ZNF503: variants seen among roughly 807,000 people sequenced by gnomAD.
ZNF503 encodes zinc finger protein 503.
A neutral mutation model predicts 34.4 loss-of-function variants in ZNF503; 15 were observed. That is an observed-to-expected ratio of 0.44 (90% CI 0.29 to 0.67). The LOEUF (loss-of-function observed/expected upper bound fraction) is 0.67, where lower values mean the gene tolerates loss of function less well. Among genes scored for constraint, ZNF503 ranks in the 30% least tolerant of loss-of-function variants. The probability of loss-of-function intolerance (pLI) is 0.13; values close to 1 mark genes in which losing one functional copy is unlikely to be tolerated. For missense variants in ZNF503, 1,007 were observed against 926.8 expected (o/e 1.09, Z -1.12); for synonymous variants, 580 against 456.8 (o/e 1.27, Z -3.44).
chr10:75,294,644 G>C, the ZNF503 span, among the ~76,000 whole-genome samples: 2 of 151,846 alleles, frequency 1.3e-5, no homozygotes, highest in Admixed American at 6.6e-5. Flanking sequence ...CCTGAAGGCA[G>C]TCGCCCAAGG....
At chr10:75,393,155 T>A (rs115714201), downstream of ZNF503, among the ~76,000 whole-genome samples, 261 of 152,336 alleles carry the variant, frequency 1.7e-3, no homozygotes, top group African/African-American at 6.0e-3. Flanking sequence ...CTGGGCTCAC[T>A]CTGGGTCACA....
chr10:75,314,186 G>A, the ZNF503 span, among the ~76,000 whole-genome samples: 44 of 145,314 alleles, frequency 3.0e-4, no homozygotes, highest in Admixed American at 2.2e-3. Context: ...GCAGTGAGCC[G>A]AGATCGTGCC....
Position 75,399,406 on chromosome 10 carries a change from C to T in ZNF503, c.1284G>A (p.Arg428=), listed in dbSNP as rs1312532432. The change falls in exon 2 of 2, where the codon CGG becomes CGA. Residue 428 remains arginine, a synonymous_variant. Coordinates refer to ENST00000372524, the MANE Select transcript of ZNF503 (RefSeq NM_032772.6). ...PPSVMTASLC[R]DPYCLSYHCA... ...AGTGGTAGCTGAGGCAGTAAGGGTC[C>T]CGGCACAAACTGGCTGTCATCACGG... 1 of 1,605,026 alleles carries T rather than the reference C, an allele frequency of 6.2e-7. No individual in the cohort carries two copies. Among genetic ancestry groups the T allele is most frequent in the Non-Finnish European group, 8.5e-7 (1 of 1,178,512 alleles).
chr10:75,318,193 A>G, the ZNF503 span, among the ~76,000 whole-genome samples: 12 of 152,310 alleles, frequency 7.9e-5, no homozygotes, highest in Admixed American at 2.6e-4. Context: ...GCCTTAAATT[A>G]TATAATTTTT....
downstream of ZNF503, among the ~76,000 whole-genome samples, chr10:75,393,118 A>C (rs112050830): frequency 8.2e-4 from 125 of 152,316 alleles, 1 homozygote; most frequent in African/African-American, 2.7e-3. Context: ...AGCCAGGGCT[A>C]GAGTCTTTTA....
chr10:75,296,823 T>A, the ZNF503 span, among the ~76,000 whole-genome samples: 263 of 152,130 alleles, frequency 1.7e-3, no homozygotes, highest in African/African-American at 6.1e-3. Context: ...AGAGGACGTG[T>A]AGGTACCAAC....
Position 75,398,512 on chromosome 10 carries a change from A to G in ZNF503, c.*237T>C, listed in dbSNP as rs891500258. 5.1e-6 allele frequency: 2 copies of G among 393,326 alleles called. No homozygotes were observed. The highest frequency in any genetic ancestry group is 4.5e-6 in the Non-Finnish European group (1 of 224,384). The allele number at this position is 393,326 out of a possible 1,614,324, so 24.4% of individuals were successfully genotyped here. A position where few individuals can be genotyped will look rare whatever the true frequency, so the allele number is the denominator to read the frequency against. On this transcript the variant is annotated 3_prime_UTR_variant, in exon 2 of 2. Transcript: ENST00000372524. ...TTTTTTCTATAAAAAGTCAAATGAT[A>G]TTTTTTCAACTTTTATAAAGTTTGG...
the ZNF503 span, among the ~76,000 whole-genome samples, chr10:75,315,099 C>T: frequency 6.6e-6 from 1 of 152,176 alleles, no homozygotes; most frequent in Non-Finnish European, 1.5e-5. Flanking sequence ...GTAGCTCATG[C>T]TTATAATCCC....
At chr10:75,342,643 A>G in the ZNF503 span, among the ~76,000 whole-genome samples, 219 of 136,408 alleles carry the variant, frequency 1.6e-3, 7 homozygotes, top group South Asian at 0.059. Context: ...GATAGTTCTC[A>G]AAGCAGTGCC....
the ZNF503 span, among the ~76,000 whole-genome samples, chr10:75,310,999 AG>A: frequency 6.6e-6 from 1 of 152,240 alleles, no homozygotes; most frequent in South Asian, 2.1e-4. Flanking sequence ...TGTTTTAGCC[AG>A]GGTTCTCTAG....
Position 75,401,133 on chromosome 10 carries a change from A to G in ZNF503, c.287T>C (p.Leu96Pro), listed in dbSNP as rs1443371847. ...GATGGGGCTGACCGGCGTGGAAGGC[A>G]GGGGCTGCAGGTACTCGGGGTGCAA... is the stretch of plus-strand genomic sequence containing the variant. ...HILHPEYLQPLPSTPVSPIEL... is the reference protein window; with the variant it reads ...HILHPEYLQPPPSTPVSPIEL... Residue 96 changes from leucine to proline, a missense_variant, in exon 1 of 2, where the codon CTG becomes CCG. Coordinates refer to ENST00000372524, the MANE Select transcript of ZNF503 (RefSeq NM_032772.6). 1 of 1,613,040 alleles carries G rather than the reference A, an allele frequency of 6.2e-7. No homozygotes were observed. The highest frequency in any genetic ancestry group is 1.3e-5 in the African/African-American group (1 of 75,004).
chr10:75,336,612 A>T, the ZNF503 span, among the ~76,000 whole-genome samples: 1 of 152,174 alleles, frequency 6.6e-6, no homozygotes, highest in Non-Finnish European at 1.5e-5. Flanking sequence ...ATTATGTCTC[A>T]GCTCTGTGGG....
the ZNF503 span, among the ~76,000 whole-genome samples, chr10:75,388,274 G>C: frequency 6.6e-6 from 1 of 152,130 alleles, no homozygotes; most frequent in Non-Finnish European, 1.5e-5. Context: ...TTGGTTGCGG[G>C]GGAATCTTTC....
At chr10:75,317,694 G>C in the ZNF503 span, among the ~76,000 whole-genome samples, 1 of 151,358 alleles carries the variant, frequency 6.6e-6, no homozygotes, top group Non-Finnish European at 1.5e-5. Context: ...ATATATCATG[G>C]TTATTAAATA....
chr10:75,379,072 C>T, the ZNF503 span, among the ~76,000 whole-genome samples: 3,380 of 152,242 alleles, frequency 0.022, 65 homozygotes, highest in Non-Finnish European at 0.032. Context: ...TTTGTCCTCC[C>T]GTTCCTATTA....
downstream of ZNF503, among the ~76,000 whole-genome samples, chr10:75,394,628 T>C (rs1324858279): frequency 2.0e-5 from 3 of 152,232 alleles, no homozygotes; most frequent in Non-Finnish European, 4.4e-5. Flanking sequence ...TCCTCACTGC[T>C]TAAAGACCAA....
At chr10:75,388,271 C>T in the ZNF503 span, among the ~76,000 whole-genome samples, 8 of 152,132 alleles carry the variant, frequency 5.3e-5, no homozygotes, top group East Asian at 1.2e-3. Flanking sequence ...TCTTTGGTTG[C>T]GGGGGAATCT....
the ZNF503 span, among the ~76,000 whole-genome samples, chr10:75,349,735 A>G: frequency 1.3e-5 from 2 of 152,252 alleles, no homozygotes; most frequent in Admixed American, 6.5e-5. Flanking sequence ...CTGTGCCTGG[A>G]GGCAGGGCCT....
chr10:75,328,840 G>A, the ZNF503 span, among the ~76,000 whole-genome samples: 1 of 144,254 alleles, frequency 6.9e-6, no homozygotes, highest in Admixed American at 7.1e-5. Flanking sequence ...TCTGCCTCCC[G>A]GGTTCAAGTG....
Sources: allele counts gnomAD v4.1 joint callset (sites outside exome capture counted in the v4.1 genomes callset), GRCh38; gene constraint gnomAD v4.1.1; transcripts MANE v1.5; gene names NCBI Gene and HGNC (gene_info 2026-07-23, HGNC 2026-07-21).